MEIOSIN: variants seen among roughly 807,000 people sequenced by gnomAD.
MEIOSIN encodes meiosis initiator.
MEIOSIN carries 18 observed loss-of-function variants against 23.4 expected under a neutral mutation model. The observed-to-expected ratio is 0.77, with a 90% CI of 0.53 to 1.14. The LOEUF (loss-of-function observed/expected upper bound fraction) is 1.14. Among genes scored for constraint, MEIOSIN ranks in the 50% most tolerant of loss-of-function variants. The pLI, the probability that MEIOSIN is intolerant of heterozygous loss-of-function variation, is 0.00. For synonymous variants in MEIOSIN, 187 were observed against 100.6 expected (o/e 1.86, Z -5.14); for missense variants, 428 against 242.9 (o/e 1.76, Z -5.07).
rs62111736 is a variant in MEIOSIN, at chr19:45,734,981, C to T, written c.1-396C>T. ...TAATCCTGGCTCAGTGCAACCTCCG[C>T]CTCCCAGGTTCAAGTGATTCTCCTG... On this transcript the variant is annotated intron_variant, in intron 1 of 14. Transcript: ENST00000457052. Among the ~76,000 whole-genome samples the T allele has an allele frequency of 8.4e-3, 1,281 of 152,064 alleles. 14 individuals carry two copies. The highest frequency in any genetic ancestry group is 0.015 in the South Asian group (71 of 4,806).
At chr19:45,745,117 G>A in intron 3 of MEIOSIN, 75 bp from the exon 4 acceptor site, 1 of 697,020 alleles carries the variant, frequency 1.4e-6, no homozygotes, top group Non-Finnish European at 2.6e-6. Flanking sequence ...GAGTAACACA[G>A]ACAGGAGGTT....
chr19:45,754,441 C>T (rs2052465032), intron 6 of MEIOSIN, 38 bp from the exon 7 acceptor site: 2 of 688,582 alleles, frequency 2.9e-6, no homozygotes, highest in Non-Finnish European at 5.3e-6. Flanking sequence ...GCAGGTGACT[C>T]CCAGGCCCCT....
Position 45,762,032 on chromosome 19 carries a change from G to A in MEIOSIN, c.1528G>A (p.Ala510Thr). 1 of 485,644 alleles carries A rather than the reference G, an allele frequency of 2.1e-6. No homozygotes were observed. Among genetic ancestry groups the A allele is most frequent in the South Asian group, 4.0e-5 (1 of 24,698 alleles). The allele number at this position is 485,644 out of a possible 1,614,324, so 30.1% of individuals were successfully genotyped here. A position where few individuals can be genotyped will look rare whatever the true frequency, so the allele number is the denominator to read the frequency against. ...TPTRLASPLL[A>T]AEKKATKGQV... ...CACCCGGCTGGCCTCACCCCTGCTG[G>A]CAGCTGAGAAAAAGGCCACGAAGGG... The change falls in exon 13 of 15, where the codon GCA becomes ACA. Residue 510 changes from alanine (A) to threonine (T), a missense_variant. Transcript: ENST00000457052.
Position 45,739,275 on chromosome 19 carries a change from C to G in MEIOSIN, c.72-351C>G, listed in dbSNP as rs961134453. 2.0e-5 allele frequency among the ~76,000 whole-genome samples: 3 copies of G among 152,218 alleles called. No individual in the cohort carries two copies. The South Asian group carries it at 6.2e-4, about 32-fold the overall frequency. ...AAGGGATTCTCCTGCCTCAGCCTCC[C>G]GAGTAGCTGAGATTACAGACATGTG... On this transcript the variant is annotated intron_variant, in intron 2 of 14. Coordinates refer to ENST00000457052, the MANE Select transcript of MEIOSIN (RefSeq NM_001310124.2).
At chr19:45,758,456 G>T (rs931583319) in intron 9 of MEIOSIN, among the ~76,000 whole-genome samples, 2 of 151,048 alleles carry the variant, frequency 1.3e-5, no homozygotes, top group African/African-American at 4.9e-5. Flanking sequence ...TTGAGACAGG[G>T]TCTCACTCTG....
intron 11 of MEIOSIN, among the ~76,000 whole-genome samples, chr19:45,760,598 C>T (rs1300336515): frequency 6.7e-6 from 1 of 148,352 alleles, no homozygotes; most frequent in Non-Finnish European, 1.5e-5. Flanking sequence ...AAGAGCGAAA[C>T]CCAGTCTCAA....
At chr19:45,737,979 C>T (rs1017228087) in intron 2 of MEIOSIN, among the ~76,000 whole-genome samples, 1 of 151,610 alleles carries the variant, frequency 6.6e-6, no homozygotes, top group African/African-American at 2.4e-5. Flanking sequence ...TGGTCTGAAA[C>T]TCCTAGGCTC....
Position 45,740,485 on chromosome 19 carries a change from T to A in MEIOSIN, c.176+755T>A, listed in dbSNP as rs184455371. On this transcript the variant is annotated intron_variant, in intron 3 of 14. Transcript: ENST00000457052. ...ACAAATGAAGGCCGGGCACGGAGGC[T>A]CACGCCTGTAATCCCAAAACTTTGG... is the stretch of plus-strand genomic sequence containing the variant. Among the ~76,000 whole-genome samples the A allele has an allele frequency of 5.3e-5, 8 of 152,292 alleles. No homozygotes were observed. In the East Asian group the frequency reaches 1.5e-3, roughly 29 times the overall value.
At chr19:45,762,944 C>G (rs1968977198) in intron 13 of MEIOSIN, among the ~76,000 whole-genome samples, 1 of 152,208 alleles carries the variant, frequency 6.6e-6, no homozygotes, top group Non-Finnish European at 1.5e-5. Flanking sequence ...GTCCCCCACC[C>G]AAGCGACCCC....
chr19:45,751,272 A>AGAT (rs1968699594), intron 5 of MEIOSIN, among the ~76,000 whole-genome samples: 1 of 136,430 alleles, frequency 7.3e-6, no homozygotes, highest in South Asian at 2.4e-4. Flanking sequence ...ACTGTGTCTC[A>AGAT]AATAATAATA....
chr19:45,737,333 C>T (rs554309618), intron 2 of MEIOSIN, among the ~76,000 whole-genome samples: 4 of 152,146 alleles, frequency 2.6e-5, no homozygotes, highest in African/African-American at 9.6e-5. Flanking sequence ...GCGTGCACCA[C>T]CACGCCTGGC....
At chr19:45,736,028 C>T (rs193030782) in intron 2 of MEIOSIN, among the ~76,000 whole-genome samples, 14 of 152,092 alleles carry the variant, frequency 9.2e-5, no homozygotes, top group Admixed American at 8.5e-4. Context: ...TCCTTGCAGC[C>T]TGTGACATTC....
intron 4 of MEIOSIN, among the ~76,000 whole-genome samples, chr19:45,748,318 G>A (rs1462363779): frequency 6.6e-6 from 1 of 152,166 alleles, no homozygotes; most frequent in Non-Finnish European, 1.5e-5. Context: ...CTGACTTCGT[G>A]ATCCACCCGC....
intron 5 of MEIOSIN, among the ~76,000 whole-genome samples, chr19:45,753,422 T>G (rs1015706001): frequency 2.6e-5 from 4 of 152,104 alleles, no homozygotes; most frequent in African/African-American, 9.7e-5. Flanking sequence ...GATTCCATTC[T>G]CCCACTGAGC....
At chr19:45,739,144 T>C (rs1968458403) in intron 2 of MEIOSIN, among the ~76,000 whole-genome samples, 1 of 152,094 alleles carries the variant, frequency 6.6e-6, no homozygotes, top group African/African-American at 2.4e-5. Flanking sequence ...GCTTTATTTA[T>C]ATATTTTATC....
chr19:45,759,894 C>T lies in MEIOSIN; in HGVS notation c.1245+404C>T, dbSNP rs1022871025. Among the ~76,000 whole-genome samples the T allele has an allele frequency of 4.6e-5, 7 of 151,954 alleles. No homozygotes were observed. In the South Asian group the frequency reaches 6.2e-4, roughly 14 times the overall value. On this transcript the variant is annotated intron_variant, in intron 11 of 14. Coordinates refer to ENST00000457052, the MANE Select transcript of MEIOSIN (RefSeq NM_001310124.2). ...TCGGCTCACTGTAACCTCCGCCTCC[C>T]GGGTTCAAACAATTCTCCTGCCTCA...
At chr19:45,753,551 C>T (rs548500722) in intron 5 of MEIOSIN, 100 bp from the exon 6 acceptor site, 17 of 610,912 alleles carry the variant, frequency 2.8e-5, no homozygotes, top group Admixed American at 5.4e-5. Flanking sequence ...TGGGGGCCCA[C>T]CCTGACCCGG....
At position 45,752,254 on chromosome 19, in the gene MEIOSIN, C is replaced by T. The variant is rs138686186; in HGVS notation, c.419-1397C>T. Reference sequence around the variant, plus strand: ...TTTTTGAGATGGAGTTTCTCTCTGTCGCCCAGACTAGAGTGCAGTGGCGTG... The same window carrying T: ...TTTTTGAGATGGAGTTTCTCTCTGTTGCCCAGACTAGAGTGCAGTGGCGTG... On this transcript the variant is annotated intron_variant, in intron 5 of 14. Transcript: ENST00000457052. 2.2e-3 allele frequency among the ~76,000 whole-genome samples: 335 copies of T among 151,408 alleles called. 1 individual carries two copies. Among genetic ancestry groups the T allele is most frequent in the African/African-American group, 7.8e-3 (320 of 41,250 alleles).
At chr19:45,758,019 C>T (rs1232719728) in intron 9 of MEIOSIN, among the ~76,000 whole-genome samples, 3 of 148,828 alleles carry the variant, frequency 2.0e-5, no homozygotes, top group East Asian at 2.0e-4. Context: ...TTTTTTGAGA[C>T]GGAGTTTCAC....
Sources: gnomAD v4.1 joint callset for allele counts (sites outside exome capture counted in the v4.1 genomes callset) on GRCh38, gnomAD v4.1.1 for gene constraint, MANE v1.5 for transcripts, NCBI Gene and HGNC (gene_info 2026-07-23, HGNC 2026-07-21) for gene names.